Variants in GALK1 observed in about 807,000 individuals in gnomAD.
The protein encoded by GALK1 is galactokinase 1.
In GALK1, 30 loss-of-function variants were observed where a neutral mutation model predicts 38.6. That is an observed-to-expected ratio of 0.78 (90% CI 0.58 to 1.05). GALK1 has a LOEUF of 1.05. GALK1 is among the 50% of genes least tolerant of loss of function. The pLI, the probability that GALK1 is intolerant of heterozygous loss-of-function variation, is 0.00. For missense variants in GALK1, 512 were observed against 540.5 expected (o/e 0.95, Z 0.52); for synonymous variants, 240 against 233.6 (o/e 1.03, Z -0.25).
intron 1 of GALK1, chr17:75,764,534 C>T: frequency 2.1e-6 from 1 of 487,386 alleles, no homozygotes; most frequent in Non-Finnish European, 4.0e-6. Flanking sequence ...TCCAGCAGTT[C>T]ACTGGGCCTC....
Position 75,752,478 on chromosome 17 carries a change from G to A in GALK1, c.*23-741C>T, listed in dbSNP as rs187296783. 38 of 1,613,644 alleles carry A rather than the reference G, an allele frequency of 2.4e-5. 1 individual carries two copies. The Admixed American group carries it at 3.8e-4, about 16-fold the overall frequency. ...CATCCCTGACATCCCTATCGTGGAC[G>A]CCCAGAGCGGGGAGGACTACGACAG... On this transcript the variant is annotated intron_variant, in intron 8 of 8. Transcript: ENST00000225614.
At chr17:75,757,391 T>C (rs1239485765), downstream of GALK1, 7 of 1,612,700 alleles carry the variant, frequency 4.3e-6, no homozygotes, top group Admixed American at 6.7e-5. Context: ...CCAAGCCAGG[T>C]CATCTAATGC....
In GALK1 at chr17:75,758,550, C is replaced by A. The variant is rs1490873505; in HGVS notation, c.843G>T (p.Val281=). 3 of 1,596,274 alleles carry A rather than the reference C, an allele frequency of 1.9e-6. No individual in the cohort carries two copies. Among genetic ancestry groups the A allele is most frequent in the Non-Finnish European group, 2.5e-6 (3 of 1,176,586 alleles). Residue 281 remains valine (V), a synonymous_variant, in exon 6 of 8, where the codon GTG becomes GTT. Coordinates refer to ENST00000588479, the MANE Select transcript of GALK1 (RefSeq NM_000154.2). ...SKEGFRRARH[V]VGEIRRTAQA... ...GGGCCGTGCGCCGAATCTCCCCCACCACGTGCCGGGCCCGCCGGAAGCCCT... is the reference window on the plus strand; with the variant it reads ...GGGCCGTGCGCCGAATCTCCCCCACAACGTGCCGGGCCCGCCGGAAGCCCT...
chr17:75,764,083 G>T lies in GALK1; in HGVS notation c.169C>A (p.Leu57Met). 1 of 1,576,292 alleles carries T rather than the reference G, an allele frequency of 6.3e-7. No homozygotes were observed. ...CCCACCAGCACCGTCATGAGCTCCA[G>T]AGCCTGGCAGGAGAGACAAGCAGTA... is the stretch of plus-strand genomic sequence containing the variant. Reference protein sequence around the residue: ...YNQGLVLPMALELMTVLVGSP... With the variant: ...YNQGLVLPMAMELMTVLVGSP... The change falls in exon 2 of 8, where the codon CTG becomes ATG. Residue 57 changes from leucine to methionine, a missense_variant. Coordinates refer to ENST00000588479, the MANE Select transcript of GALK1 (RefSeq NM_000154.2).
Position 75,762,988 on chromosome 17 carries a change from G to T in GALK1, c.611+26C>A, listed in dbSNP as rs373022508. On this transcript the variant is annotated intron_variant, in intron 4 of 7. Transcript: ENST00000588479. Reference sequence around the variant, plus strand: ...CCAGGAGCTGCTGAGTGCAGGGCGGGAGGGGACGAGGGGAGCGAGCCCAAC... The same window carrying T: ...CCAGGAGCTGCTGAGTGCAGGGCGGTAGGGGACGAGGGGAGCGAGCCCAAC... 71 of 1,612,118 alleles carry T rather than the reference G, an allele frequency of 4.4e-5. No homozygotes were observed. The African/African-American group carries it at 8.5e-4, about 19-fold the overall frequency.
chr17:75,755,786 G>A (rs1437622580), downstream of GALK1: 1 of 1,612,034 alleles, frequency 6.2e-7, no homozygotes, highest in Non-Finnish European at 8.5e-7. Flanking sequence ...GAGTGAGCTG[G>A]CAGGAGCCGC....
chr17:75,758,115 C>A lies in GALK1; in HGVS notation c.1120G>T (p.Gly374Trp). The change falls in exon 8 of 8, where the codon GGG (glycine) becomes TGG (tryptophan). Residue 374 changes from glycine (G) to tryptophan (W), a missense_variant. Transcript: ENST00000588479. ...AMRHIQEHYG[G>W]TATFYLSQAA... The stretch of plus-strand genomic sequence containing the variant: ...TGAGAGAGGTAGAAGGTGGCAGTCC[C>A]GCCGTAGTGCTCCTGTAAGAGGCGG... 1 of 1,612,690 alleles carries A rather than the reference C, an allele frequency of 6.2e-7. No homozygotes were observed. The highest frequency in any genetic ancestry group is 8.5e-7 in the Non-Finnish European group (1 of 1,179,934).
intron 5 of GALK1, 151 bp downstream of exon 5, chr17:75,762,553 T>C (rs1202454696): frequency 1.3e-5 from 10 of 787,436 alleles, no homozygotes; most frequent in South Asian, 1.2e-4. Context: ...CCTGCTGAGA[T>C]TGGAACCCTG....
At chr17:75,757,493 C>T (rs773923807), downstream of GALK1, 22 of 1,612,956 alleles carry the variant, frequency 1.4e-5, no homozygotes, top group South Asian at 3.3e-5. Flanking sequence ...GTTTGTGAGC[C>T]GGACACTGAC....
downstream of GALK1, chr17:75,757,434 C>T: frequency 6.2e-7 from 1 of 1,613,216 alleles, no homozygotes; most frequent in Non-Finnish European, 8.5e-7. Context: ...ACCCTGGGGG[C>T]CCAGCACCTG....
chr17:75,757,477 C>G, downstream of GALK1: 1 of 1,612,936 alleles, frequency 6.2e-7, no homozygotes, highest in Non-Finnish European at 8.5e-7. Context: ...GGCATGTGAC[C>G]CAGGAGTTTG....
chr17:75,759,460 A>G (rs820385), intron 5 of GALK1, among the ~76,000 whole-genome samples: 16,059 of 151,194 alleles, frequency 0.11, 1,951 homozygotes, highest in African/African-American at 0.3. Flanking sequence ...AAAGAAATGA[A>G]TGGAAATGAG....
downstream of GALK1, chr17:75,756,488 C>A (rs1348340809): frequency 1.2e-6 from 2 of 1,613,280 alleles, no homozygotes; most frequent in Admixed American, 1.7e-5. Context: ...GGTGGAAGAC[C>A]TCCTGCCCAA....
At chr17:75,757,636 C>T (rs1396755275), downstream of GALK1, 1 of 1,583,068 alleles carries the variant, frequency 6.3e-7, no homozygotes, top group Non-Finnish European at 8.7e-7. Flanking sequence ...CTACTCCATC[C>T]TTGCACCCCT....
chr17:75,763,259 T>C, intron 3 of GALK1, 61 bp downstream of exon 3: 2 of 1,613,336 alleles, frequency 1.2e-6, no homozygotes, highest in Non-Finnish European at 1.7e-6. Context: ...TAGTAGAAGC[T>C]GGGACCACCT....
chr17:75,759,598 C>T (rs543718047), intron 5 of GALK1, among the ~76,000 whole-genome samples: 1 of 151,750 alleles, frequency 6.6e-6, no homozygotes, highest in Non-Finnish European at 1.5e-5. Context: ...CTGGAGGAGG[C>T]AGGGTGAGCT....
downstream of GALK1, chr17:75,756,313 C>G (rs1307275618): frequency 1.7e-5 from 19 of 1,138,236 alleles, no homozygotes; most frequent in Non-Finnish European, 2.3e-5. Flanking sequence ...ACCCAAACCA[C>G]AGCTAGTCCT....
At chr17:75,756,676 G>A, downstream of GALK1, 2 of 1,613,278 alleles carry the variant, frequency 1.2e-6, no homozygotes, top group Non-Finnish European at 8.5e-7. Context: ...CCACCCACAG[G>A]CTGATGCTCT....
At chr17:75,751,609 C>T (rs1403519725) in exon 9 of GALK1, 4 of 229,216 alleles carry the variant, frequency 1.7e-5, no homozygotes, top group East Asian at 1.1e-4. Context: ...GGCATGGTGG[C>T]TCATGCCTGT....
Sources: allele counts gnomAD v4.1 joint callset (sites outside exome capture counted in the v4.1 genomes callset), GRCh38; gene constraint gnomAD v4.1.1; transcripts MANE v1.5; gene names NCBI Gene and HGNC (gene_info 2026-07-23, HGNC 2026-07-21).